The following ABCB4 variants were observed in gnomAD, a reference collection of about 807,000 sequenced individuals.
ABCB4 encodes phosphatidylcholine translocator ABCB4.
A neutral mutation model predicts 145.7 loss-of-function variants in ABCB4; 76 were observed. The observed-to-expected ratio is 0.52, with a 90% CI of 0.43 to 0.63. ABCB4 has a LOEUF of 0.63. Among genes scored for constraint, ABCB4 ranks in the 30% least tolerant of loss-of-function variants. ABCB4 has a pLI of 0.00. For missense variants in ABCB4, 1,234 were observed against 1,553.1 expected (o/e 0.79, Z 3.45); for synonymous variants, 517 against 566.8 (o/e 0.91, Z 1.25).
intron 19 of ABCB4, 123 bp from the exon 20 acceptor site, chr7:87,418,743 TC>T (rs1809184518): frequency 4.7e-6 from 4 of 859,476 alleles, no homozygotes; most frequent in Non-Finnish European, 7.6e-6. Flanking sequence ...CAGTGTAGAG[TC>T]CCTGGCCTTG....
rs200460344 is a variant in ABCB4, at chr7:87,417,290, A to G, written c.2682+22T>C. 3.4e-4 allele frequency: 542 copies of G among 1,610,966 alleles called. 1 individual carries two copies. The highest frequency in any genetic ancestry group is 1.5e-3 in the Middle Eastern group (9 of 5,864). ...TGTCTAAAAACAACACTTAACACCA[A>G]TTGAAATCTTATTTGACCTACCTTT... is the stretch of plus-strand genomic sequence containing the variant. On this transcript the variant is annotated intron_variant, in intron 21 of 27. Coordinates refer to ENST00000649586, the MANE Select transcript of ABCB4 (RefSeq NM_000443.4).
chr7:87,392,772 A>G, the ABCB4 span: 8 of 1,613,798 alleles, frequency 5.0e-6, no homozygotes, highest in East Asian at 6.7e-5. Flanking sequence ...ATAGCAAAAG[A>G]GGAAGGTCTT....
intron 8 of ABCB4, among the ~76,000 whole-genome samples, chr7:87,448,949 A>G (rs1007376468): frequency 1.3e-5 from 2 of 152,228 alleles, no homozygotes; most frequent in African/African-American, 4.8e-5. Context: ...TACTTCAACT[A>G]CAGTAGGGGA....
chr7:87,451,383 A>G (rs1584762844), intron 7 of ABCB4, among the ~76,000 whole-genome samples: 2 of 152,070 alleles, frequency 1.3e-5, no homozygotes, highest in East Asian at 3.8e-4. Context: ...TGATTTATGT[A>G]CCTTGGCCTC....
At chr7:87,388,281 A>G in the ABCB4 span, among the ~76,000 whole-genome samples, 1 of 152,226 alleles carries the variant, frequency 6.6e-6, no homozygotes, top group Non-Finnish European at 1.5e-5. Context: ...ACTACTTTAA[A>G]TTTCATATGG....
Position 87,440,233 on chromosome 7 carries a change from G to A in ABCB4, c.1526C>T (p.Ala509Val), listed in dbSNP as rs751741324. ...MDEIKKAVKE[A>V]NAYEFIMKLP... ...TTTCATGATAAACTCATAGGCGTTG[G>A]CCTCTTTGACAGCTTTCTTTATCTC... The change falls in exon 13 of 28, where the codon GCC becomes GTC. Residue 509 changes from alanine to valine, a missense_variant. Around this residue, in one of 7 missense-constraint regions of ABCB4, gnomAD observed 467 missense variants for 632.8 expected, o/e 0.74. Coordinates refer to ENST00000649586, the MANE Select transcript of ABCB4 (RefSeq NM_000443.4). The A allele has an allele frequency of 6.2e-7, 1 of 1,614,068 alleles. No individual in the cohort carries two copies. Among genetic ancestry groups the A allele is most frequent in the Non-Finnish European group, 8.5e-7 (1 of 1,179,996 alleles).
At chr7:87,423,654 T>C in intron 17 of ABCB4, 1 of 486,398 alleles carries the variant, frequency 2.1e-6, no homozygotes, top group Non-Finnish European at 3.7e-6. Context: ...TTTCACCAAA[T>C]GAAGAGAGCT....
chr7:87,401,354 A>G (rs950374955), downstream of ABCB4, among the ~76,000 whole-genome samples: 3 of 152,194 alleles, frequency 2.0e-5, no homozygotes, highest in African/African-American at 7.2e-5. Context: ...TTTGCTTTCC[A>G]TCTAAACATA....
chr7:87,451,487 T>C (rs1811727708), intron 7 of ABCB4, 136 bp downstream of exon 7: 1 of 913,082 alleles, frequency 1.1e-6, no homozygotes, highest in Non-Finnish European at 1.7e-6. Flanking sequence ...AGCATCATAT[T>C]AACACCATGT....
the ABCB4 span, among the ~76,000 whole-genome samples, chr7:87,377,130 T>C: frequency 6.6e-6 from 1 of 152,164 alleles, no homozygotes; most frequent in Non-Finnish European, 1.5e-5. Context: ...AGGATTTTCT[T>C]AACTTGAGAT....
At chr7:87,411,277 A>T (rs1026236717) in intron 23 of ABCB4, among the ~76,000 whole-genome samples, 1 of 152,284 alleles carries the variant, frequency 6.6e-6, no homozygotes, top group East Asian at 1.9e-4. Flanking sequence ...AACATACCAA[A>T]TGATCTTAAA....
chr7:87,444,272 C>T lies in ABCB4; in HGVS notation c.1120-499G>A, dbSNP rs45597033. On this transcript the variant is annotated intron_variant, in intron 10 of 27. Coordinates refer to ENST00000649586, the MANE Select transcript of ABCB4 (RefSeq NM_000443.4). ...AATCAGAAACTGAGCACTTTTCTCACGACTTGGATCAATGAAAAAGGAAAT... is the reference window on the plus strand; with the variant it reads ...AATCAGAAACTGAGCACTTTTCTCATGACTTGGATCAATGAAAAAGGAAAT... 9.9e-3 allele frequency among the ~76,000 whole-genome samples: 1,508 copies of T among 152,240 alleles called. 22 individuals are homozygous for T. Among genetic ancestry groups the T allele is most frequent in the African/African-American group, 0.033 (1,386 of 41,554 alleles).
intron 20 of ABCB4, 70 bp from the exon 21 acceptor site, chr7:87,417,585 T>G: frequency 9.3e-6 from 12 of 1,290,444 alleles, no homozygotes; most frequent in African/African-American, 1.5e-5. Context: ...CCTTAGCCTC[T>G]TGGTCAGAAT....
intron 16 of ABCB4, 53 bp downstream of exon 16, chr7:87,426,697 A>G: frequency 6.5e-7 from 1 of 1,549,968 alleles, no homozygotes; most frequent in Non-Finnish European, 8.9e-7. Context: ...AATTTCAATA[A>G]TTGTAGCAAA....
rs766402494 is a variant in ABCB4 at position 87,406,393 on chromosome 7, G to C, written c.3381C>G (p.Ala1127=). ...TGTTGTCTCCATAGGCAATATTCTC[G>C]GCAATGCTGCAGTCAAATAGGATAG... ...QEPILFDCSI[A]ENIAYGDNSR... is the part of the protein sequence containing the mutation. The change falls in exon 26 of 28, where the codon GCC becomes GCG. Residue 1127 remains alanine, a synonymous_variant. Transcript: ENST00000649586. The C allele has an allele frequency of 2.5e-6, 4 of 1,613,728 alleles. No homozygotes were observed. The highest frequency in any genetic ancestry group is 2.5e-6 in the Non-Finnish European group (3 of 1,179,982).
downstream of ABCB4, among the ~76,000 whole-genome samples, chr7:87,401,518 TA>T (rs1289339711): frequency 1.3e-5 from 2 of 152,136 alleles, no homozygotes; most frequent in African/African-American, 4.8e-5. Context: ...TTTAAAACTT[TA>T]AAAAAATACT....
chr7:87,453,128 A>G lies in ABCB4; in HGVS notation c.352T>C (p.Tyr118His). Reference protein sequence around the residue: ...ILEEEMTRYAYYYSGLGAGVL... With the variant: ...ILEEEMTRYAHYYSGLGAGVL... Reference sequence around the variant, plus strand: ...CCAGCACCCAATCCTGAGTAGTAATATGCATATCTGAAAAAAAAGAGAAAG... The same window carrying G: ...CCAGCACCCAATCCTGAGTAGTAATGTGCATATCTGAAAAAAAAGAGAAAG... Residue 118 changes from tyrosine to histidine, a missense_variant, in exon 6 of 28, where the codon TAT becomes CAT. Transcript: ENST00000649586. 1 of 1,613,838 alleles carries G rather than the reference A, an allele frequency of 6.2e-7. No individual in the cohort carries two copies. Among genetic ancestry groups the G allele is most frequent in the South Asian group, 1.1e-5 (1 of 91,060 alleles).
chr7:87,444,885 C>T lies in ABCB4; in HGVS notation c.1096G>A (p.Val366Met), dbSNP rs777977311. ...AFANARGAAY[V>M]IFDIIDNNPK... ...ACATTATCAATAATATCAAAGATCACATATGCTGCTCCTCTTGCATTGGCA... is the reference window on the plus strand; with the variant it reads ...ACATTATCAATAATATCAAAGATCATATATGCTGCTCCTCTTGCATTGGCA... The change falls in exon 10 of 28, where the codon GTG becomes ATG. Residue 366 changes from valine (V) to methionine (M), a missense_variant. Coordinates refer to ENST00000649586, the MANE Select transcript of ABCB4 (RefSeq NM_000443.4). The T allele has an allele frequency of 1.1e-5, 18 of 1,608,978 alleles. No individual in the cohort carries two copies. Among genetic ancestry groups the T allele is most frequent in the Non-Finnish European group, 1.4e-5 (16 of 1,178,978 alleles).
At chr7:87,444,737 T>C (rs1260983874) in intron 10 of ABCB4, 125 bp downstream of exon 10, 6 of 671,634 alleles carry the variant, frequency 8.9e-6, no homozygotes, top group Non-Finnish European at 1.5e-5. Flanking sequence ...TTTCATATAA[T>C]TAAATGTCAC....
Sources: allele counts gnomAD v4.1 joint callset (sites outside exome capture counted in the v4.1 genomes callset), GRCh38; gene constraint gnomAD v4.1.1; regional missense constraint gnomAD v4.1.1; transcripts MANE v1.5; gene names NCBI Gene and HGNC (gene_info 2026-07-23, HGNC 2026-07-21).